Variants in RFTN2 observed in about 807,000 individuals in gnomAD.
RFTN2 encodes the protein raftlin family member 2, also known as raftlin-2.
Under a neutral mutation model 52.7 loss-of-function variants are expected in RFTN2, and 34 were observed. The observed-to-expected ratio is 0.64, with a 90% CI of 0.49 to 0.86. The LOEUF (loss-of-function observed/expected upper bound fraction) is 0.86, where lower values mean the gene tolerates loss of function less well. Ranked by LOEUF, RFTN2 falls within the 40% of genes least tolerant of loss-of-function variation. RFTN2 has a pLI of 0.00. For synonymous variants in RFTN2, 203 were observed against 217.7 expected, an observed-to-expected ratio of 0.93 and a Z score of 0.59; for missense variants, 536 against 600.1, an observed-to-expected ratio of 0.89 and a Z score of 1.12.
intron 1 of RFTN2, among the ~76,000 whole-genome samples, chr2:197,668,540 T>C (rs1004471461): frequency 1.4e-4 from 21 of 152,180 alleles, no homozygotes; most frequent in African/African-American, 5.1e-4. Flanking sequence ...TGGTCATTGA[T>C]GCCTCAGCCC....
intron 5 of RFTN2, among the ~76,000 whole-genome samples, chr2:197,628,772 G>C (rs957760706): frequency 5.3e-5 from 8 of 152,128 alleles, no homozygotes; most frequent in Admixed American, 5.2e-4. Context: ...AGGCATTCTG[G>C]GAGTCACTTT....
At chr2:197,659,006 C>T (rs1380676252) in intron 1 of RFTN2, among the ~76,000 whole-genome samples, 1 of 152,058 alleles carries the variant, frequency 6.6e-6, no homozygotes, top group Non-Finnish European at 1.5e-5. Flanking sequence ...TTAAAAGCTT[C>T]ATAGACAAAG....
At chr2:197,617,967 G>T in intron 5 of RFTN2, 46 bp from the exon 6 acceptor site, 2 of 1,452,244 alleles carry the variant, frequency 1.4e-6, no homozygotes, top group South Asian at 1.4e-5. Flanking sequence ...AATACTAAGT[G>T]GCTCATAAAA....
At chr2:197,619,171 G>T (rs1035883249) in intron 5 of RFTN2, among the ~76,000 whole-genome samples, 1 of 151,498 alleles carries the variant, frequency 6.6e-6, no homozygotes, top group Non-Finnish European at 1.5e-5. Context: ...GGTGAGGGGC[G>T]CCTCTGCCCG....
At chr2:197,634,471 G>C (rs917803253) in intron 3 of RFTN2, among the ~76,000 whole-genome samples, 3 of 152,002 alleles carry the variant, frequency 2.0e-5, no homozygotes, top group Non-Finnish European at 2.9e-5. Context: ...AATGTTAAAA[G>C]ACTGATTCTT....
At chr2:197,647,127 A>G (rs901825880) in intron 1 of RFTN2, among the ~76,000 whole-genome samples, 1 of 152,170 alleles carries the variant, frequency 6.6e-6, no homozygotes, top group African/African-American at 2.4e-5. Context: ...CTATATTTCC[A>G]TTAATAGATA....
At chr2:197,656,824 A>T (rs954243299) in intron 1 of RFTN2, among the ~76,000 whole-genome samples, 1 of 152,100 alleles carries the variant, frequency 6.6e-6, no homozygotes, top group Non-Finnish European at 1.5e-5. Flanking sequence ...CTCTAGCTCA[A>T]ACTGATCTAC....
chr2:197,634,783 T>C (rs2088534210), intron 3 of RFTN2, among the ~76,000 whole-genome samples: 2 of 151,906 alleles, frequency 1.3e-5, no homozygotes, highest in Non-Finnish European at 2.9e-5. Flanking sequence ...ATGTGCACAT[T>C]GTGCAGGTTA....
intron 8 of RFTN2, among the ~76,000 whole-genome samples, chr2:197,575,841 ATATAT>A (rs2087406294): frequency 1.0e-5 from 1 of 98,312 alleles, no homozygotes; most frequent in African/African-American, 3.7e-5. Flanking sequence ...AATATATTAT[ATATAT>A]TTTATATACA....
chr2:197,643,391 C>A (rs2088702230), intron 3 of RFTN2, among the ~76,000 whole-genome samples: 1 of 152,154 alleles, frequency 6.6e-6, no homozygotes. Context: ...CCACACCTGG[C>A]CTTAACTTGT....
intron 4 of RFTN2, 149 bp from the exon 5 acceptor site, chr2:197,631,369 C>T (rs1385239450): frequency 1.5e-6 from 1 of 677,530 alleles, no homozygotes; most frequent in South Asian, 1.7e-5. Context: ...TTGTTTCAGA[C>T]TATTTTTTCA....
In RFTN2 at chr2:197,569,962, A is replaced by C. The variant is rs2087290808; in HGVS notation, c.*2046T>G. ...AAAAAAAAAAAAAAAAGTTATTGCT[A>C]TATTTCTGAGTTTTTTCTTAGTCAA... On this transcript the variant is annotated 3_prime_UTR_variant, in exon 9 of 9. Coordinates refer to ENST00000295049, the MANE Select transcript of RFTN2 (RefSeq NM_144629.3). 1 of 148,046 alleles carries C rather than the reference A, an allele frequency of 6.8e-6. No individual in the cohort carries two copies. The highest frequency in any genetic ancestry group is 1.5e-5 in the Non-Finnish European group (1 of 67,042). 9.2% of individuals were successfully genotyped at this position (148,046 alleles called of 1,614,324 possible).
intron 8 of RFTN2, among the ~76,000 whole-genome samples, chr2:197,574,208 A>G (rs1272556060): frequency 4.6e-5 from 7 of 152,226 alleles, no homozygotes; most frequent in Admixed American, 4.6e-4. Context: ...ACTCAATGCC[A>G]GCCTATGAAA....
rs144446864 is a variant in RFTN2, at chr2:197,572,013, T to C, written c.1501A>G (p.Met501Val). 1.2e-6 allele frequency: 2 copies of C among 1,613,888 alleles called. No individual in the cohort carries two copies. Among genetic ancestry groups the C allele is most frequent in the African/African-American group, 2.7e-5 (2 of 74,944 alleles). ...QEDGVTQVTC[M>V] ...CCTTTGCTTCACCTCATGGCTCACA[T>C]ACAAGTGACCTGAGTCACTCCATCT... is the stretch of plus-strand genomic sequence containing the variant. The change falls in exon 9 of 9, where the codon ATG (methionine) becomes GTG (valine). Residue 501 changes from methionine (M) to valine (V), a missense_variant. By Grantham distance (21) the Met-to-Val change is conservative. Transcript: ENST00000295049.
chr2:197,591,929 C>T (rs1361772601), intron 8 of RFTN2, among the ~76,000 whole-genome samples: 1 of 152,066 alleles, frequency 6.6e-6, no homozygotes, highest in Non-Finnish European at 1.5e-5. Flanking sequence ...CCTCTCCCTC[C>T]ACGCCTCTCC....
chr2:197,640,715 G>A (rs2088658245), intron 3 of RFTN2, among the ~76,000 whole-genome samples: 1 of 152,204 alleles, frequency 6.6e-6, no homozygotes, highest in South Asian at 2.1e-4. Context: ...CACGCCGGGA[G>A]CTGTAGACCG....
At chr2:197,598,366 G>T (rs10178946) in intron 7 of RFTN2, among the ~76,000 whole-genome samples, 102,349 of 151,874 alleles carry the variant, frequency 0.67, 34,779 homozygotes, top group Middle Eastern at 0.85. Context: ...TCAAGGGACA[G>T]GGTACGTGGG....
chr2:197,653,550 A>T (rs76455680), intron 1 of RFTN2, among the ~76,000 whole-genome samples: 2 of 140,590 alleles, frequency 1.4e-5, no homozygotes, highest in Non-Finnish European at 3.1e-5. Flanking sequence ...CTGGTTAGTT[A>T]AAAAAAAAAA....
At chr2:197,672,393 G>C (rs2089159570) in intron 1 of RFTN2, among the ~76,000 whole-genome samples, 1 of 152,132 alleles carries the variant, frequency 6.6e-6, no homozygotes, top group African/African-American at 2.4e-5. Flanking sequence ...ATGAACCTTT[G>C]AAGAGAACAT....
Sources: gnomAD v4.1 joint callset for allele counts (sites outside exome capture counted in the v4.1 genomes callset) on GRCh38, gnomAD v4.1.1 for gene constraint, MANE v1.5 for transcripts, NCBI Gene and HGNC (gene_info 2026-07-23, HGNC 2026-07-21) for gene names.